Variants in ATP8B4 observed in about 807,000 individuals in gnomAD.
ATP8B4 encodes the protein ATPase phospholipid transporting 8B4 (putative), also known as probable phospholipid-transporting ATPase IM.
In ATP8B4, 133 loss-of-function variants were observed where a neutral mutation model predicts 145.6. That is an observed-to-expected ratio of 0.91 (90% confidence interval 0.79 to 1.05). The LOEUF (loss-of-function observed/expected upper bound fraction) is 1.05, where lower values mean the gene tolerates loss of function less well. Ranked by LOEUF, ATP8B4 falls within the 50% of genes least tolerant of loss-of-function variation. The pLI is 0.00. For synonymous variants in ATP8B4, 507 were observed against 492.9 expected (o/e 1.03, Z -0.38); for missense variants, 1,458 against 1,425.2 (o/e 1.02, Z -0.37).
chr15:49,949,328 TTC>T (rs1265346195), intron 14 of ATP8B4, among the ~76,000 whole-genome samples: 2 of 152,202 alleles, frequency 1.3e-5, no homozygotes, highest in Non-Finnish European at 2.9e-5. Context: ...TTTGTTTGTG[TTC>T]TCTCTTATGT....
intron 3 of ATP8B4, among the ~76,000 whole-genome samples, chr15:50,063,318 T>G (rs1047591263): frequency 1.3e-5 from 2 of 151,894 alleles, no homozygotes; most frequent in Admixed American, 6.6e-5. Flanking sequence ...TTAACTTAGA[T>G]CAGTGATTAA....
At chr15:50,130,056 C>A (rs1446200456) in intron 1 of ATP8B4, among the ~76,000 whole-genome samples, 1 of 152,078 alleles carries the variant, frequency 6.6e-6, no homozygotes, top group Non-Finnish European at 1.5e-5. Flanking sequence ...ACCACTTGGC[C>A]AGACTAGACT....
intron 20 of ATP8B4, among the ~76,000 whole-genome samples, chr15:49,908,985 G>C (rs2038930084): frequency 6.6e-6 from 1 of 152,132 alleles, no homozygotes; most frequent in Non-Finnish European, 1.5e-5. Flanking sequence ...AGCACGGCCA[G>C]AGTGCAGCTA....
intron 1 of ATP8B4, among the ~76,000 whole-genome samples, chr15:50,137,928 C>T (rs1257190590): frequency 3.3e-5 from 5 of 152,154 alleles, no homozygotes; most frequent in Non-Finnish European, 5.9e-5. Context: ...CAGCTACTCC[C>T]TTATCAAAGT....
chr15:50,004,167 C>T (rs567891004), intron 7 of ATP8B4, among the ~76,000 whole-genome samples: 2 of 152,190 alleles, frequency 1.3e-5, no homozygotes, highest in Non-Finnish European at 2.9e-5. Flanking sequence ...TCTGCTGAGG[C>T]CTGCTGTTCC....
intron 1 of ATP8B4, among the ~76,000 whole-genome samples, chr15:50,153,548 A>G (rs865880598): frequency 6.6e-6 from 1 of 152,182 alleles, no homozygotes; most frequent in African/African-American, 2.4e-5. Flanking sequence ...CGTGTTAGCC[A>G]GGATAGTCTC....
rs180982024 is a variant in ATP8B4 at position 49,862,620 on chromosome 15, C to A, written c.3167-245G>T. On this transcript the variant is annotated intron_variant, in intron 26 of 27. Coordinates refer to ENST00000284509, the MANE Select transcript of ATP8B4 (RefSeq NM_024837.4). ...TACAGGTGCCCGCCACCACGCCCGG[C>A]TAATTTTTTTTGTATTTTTGGTAGA... Among the ~76,000 whole-genome samples, 19 of 152,206 alleles carry A rather than the reference C, an allele frequency of 1.2e-4. No homozygotes were observed. The Middle Eastern group carries it at 0.014, about 109-fold the overall frequency.
chr15:50,086,671 T>A (rs1287083411), intron 2 of ATP8B4, among the ~76,000 whole-genome samples: 3 of 110,422 alleles, frequency 2.7e-5, no homozygotes, highest in Non-Finnish European at 4.9e-5. Context: ...GAGATCTATA[T>A]TTATTATATA....
rs751561190 is a variant in ATP8B4, at chr15:49,879,388, C to T, written c.2769G>A (p.Gly923=). 9.9e-6 allele frequency: 16 copies of T among 1,611,078 alleles called. No homozygotes were observed. The highest frequency in any genetic ancestry group is 1.3e-5 in the Non-Finnish European group (15 of 1,178,462). Reference sequence around the variant, plus strand: ...AAAAAAAACATACCTGGTCAAAAATCCCCATGGCTAAAACAGGCAGTGATG... The same window carrying T: ...AAAAAAAACATACCTGGTCAAAAATTCCCATGGCTAAAACAGGCAGTGATG... ...VYTSLPVLAM[G]IFDQDVSDQN... Residue 923 remains glycine (G), a synonymous_variant, in exon 24 of 28, where the codon GGG becomes GGA. Transcript: ENST00000284509.
chr15:50,085,945 G>GATATATATCAT (rs1567331142), intron 2 of ATP8B4, among the ~76,000 whole-genome samples: 5 of 87,090 alleles, frequency 5.7e-5, no homozygotes, highest in African/African-American at 2.9e-4. Context: ...ATTTATATAT[G>GATATATATCAT]ATATATATCA....
At position 49,932,991 on chromosome 15, in the gene ATP8B4, G is replaced by C. The variant is rs1452536324; in HGVS notation, c.1453+1026C>G. ...TTGCATTCTGAATTCACAATATCTAGGTGGCCTGAAAGAAATCAAGTTGAA... is the reference window on the plus strand; with the variant it reads ...TTGCATTCTGAATTCACAATATCTACGTGGCCTGAAAGAAATCAAGTTGAA... On this transcript the variant is annotated intron_variant, in intron 15 of 27. Coordinates refer to ENST00000284509, the MANE Select transcript of ATP8B4 (RefSeq NM_024837.4). Among the ~76,000 whole-genome samples, 7 of 152,052 alleles carry C rather than the reference G, an allele frequency of 4.6e-5. No homozygotes were observed. The East Asian group carries it at 1.4e-3, about 29-fold the overall frequency.
intron 22 of ATP8B4, 139 bp from the exon 23 acceptor site, chr15:49,897,654 C>A: frequency 1.4e-6 from 1 of 710,334 alleles, no homozygotes. Flanking sequence ...TGATGAAACA[C>A]TTATGATAGA....
In ATP8B4 at chr15:49,862,129, G is replaced by GTGTT. The variant is rs1464345215; in HGVS notation, c.3297+112_3297+115dup. 2.3e-6 allele frequency: 3 copies of GTGTT among 1,287,156 alleles called. No homozygotes were observed. In the Admixed American group the frequency reaches 6.3e-5, roughly 27 times the overall value. 79.7% of individuals were successfully genotyped at this position (1,287,156 alleles called of 1,614,324 possible). A position where few individuals can be genotyped will look rare whatever the true frequency, so the allele number is the denominator to read the frequency against. On this transcript the variant is annotated intron_variant, in intron 27 of 27. Transcript: ENST00000284509. ...CTGATGTGATCTCATGCACCAGTAG[G>GTGTT]TGTTTGCTTGTGACAATTTCATTAG...
intron 20 of ATP8B4, among the ~76,000 whole-genome samples, chr15:49,910,467 G>A (rs1044328192): frequency 4.6e-5 from 7 of 152,172 alleles, no homozygotes; most frequent in African/African-American, 1.7e-4. Context: ...TCTAGCAAGA[G>A]ATTTAGACAT....
chr15:49,952,124 C>T (rs1247970803), intron 14 of ATP8B4, among the ~76,000 whole-genome samples: 1 of 152,174 alleles, frequency 6.6e-6, no homozygotes, highest in Non-Finnish European at 1.5e-5. Context: ...CTGCCCTTAG[C>T]AGTTTTTCCT....
intron 1 of ATP8B4, among the ~76,000 whole-genome samples, chr15:50,168,880 G>A (rs114040063): frequency 0.031 from 4,779 of 152,284 alleles, 84 homozygotes; most frequent in South Asian, 0.068. Flanking sequence ...GGTGGCCTGG[G>A]AGCTGGGTAA....
Position 49,987,342 on chromosome 15 carries a change from C to T in ATP8B4, c.748+49G>A, listed in dbSNP as rs112992853. 150 of 1,581,576 alleles carry T rather than the reference C, an allele frequency of 9.5e-5. 1 individual carries two copies. In the African/African-American group the frequency reaches 1.5e-3, roughly 16 times the overall value. On this transcript the variant is annotated intron_variant, in intron 10 of 27. Transcript: ENST00000284509. ...GAGAATCATAGACTGTGCTGGTGTA[C>T]GTTGCAGGAAAGGTTCCCACAGAGC...
chr15:49,863,187 G>C (rs1267725458), intron 26 of ATP8B4, among the ~76,000 whole-genome samples: 1 of 152,172 alleles, frequency 6.6e-6, no homozygotes, highest in African/African-American at 2.4e-5. Context: ...AGAGGAACTT[G>C]TTATTTCTCT....
intron 21 of ATP8B4, among the ~76,000 whole-genome samples, chr15:49,900,396 C>T (rs2037889706): frequency 1.3e-5 from 2 of 152,092 alleles, no homozygotes; most frequent in Admixed American, 1.3e-4. Context: ...ATCATCAAAG[C>T]CAGAGAAAGA....
Sources: allele counts gnomAD v4.1 joint callset (sites outside exome capture counted in the v4.1 genomes callset), GRCh38; gene constraint gnomAD v4.1.1; transcripts MANE v1.5; gene names NCBI Gene and HGNC (gene_info 2026-07-23, HGNC 2026-07-21).